Variants in C3orf20 observed in about 807,000 individuals in gnomAD.
The protein encoded by C3orf20 is uncharacterized protein C3orf20.
C3orf20 carries 76 observed loss-of-function variants against 88.3 expected under a neutral mutation model. The observed-to-expected ratio is 0.86, with a 90% CI of 0.72 to 1.04. The LOEUF (loss-of-function observed/expected upper bound fraction) is 1.04, where lower values mean the gene tolerates loss of function less well. C3orf20 is among the 50% of genes least tolerant of loss of function. C3orf20 has a pLI of 0.00. For missense variants in C3orf20, 1,056 were observed against 1,123.3 expected, an observed-to-expected ratio of 0.94 and a Z score of 0.86; for synonymous variants, 436 against 437.4, an observed-to-expected ratio of 1.00 and a Z score of 0.04.
chr3:14,706,394 A>C (rs1182473599), intron 7 of C3orf20, among the ~76,000 whole-genome samples: 1 of 151,796 alleles, frequency 6.6e-6, no homozygotes, highest in African/African-American at 2.4e-5. Flanking sequence ...GATCTCCCTG[A>C]GCTCCTCATG....
At chr3:14,708,064 C>T (rs113475397) in intron 7 of C3orf20, among the ~76,000 whole-genome samples, 47 of 152,092 alleles carry the variant, frequency 3.1e-4, no homozygotes, top group African/African-American at 9.9e-4. Context: ...TTAGGTGATC[C>T]GCCCACCTTG....
intron 12 of C3orf20, among the ~76,000 whole-genome samples, chr3:14,755,732 G>A (rs533063523): frequency 6.6e-6 from 1 of 152,254 alleles, no homozygotes; most frequent in Admixed American, 6.5e-5. Flanking sequence ...TCTGTAAATG[G>A]CAATAAGAGT....
At chr3:14,752,655 A>G (rs945801008) in intron 12 of C3orf20, among the ~76,000 whole-genome samples, 3 of 152,132 alleles carry the variant, frequency 2.0e-5, no homozygotes, top group African/African-American at 7.2e-5. Flanking sequence ...AAAACAAACA[A>G]CCCCATCAAA....
intron 10 of C3orf20, among the ~76,000 whole-genome samples, chr3:14,726,545 C>G (rs2034354538): frequency 6.6e-6 from 1 of 152,236 alleles, no homozygotes; most frequent in East Asian, 1.9e-4. Flanking sequence ...AAGACTCGGT[C>G]CCTTCCCTCC....
At chr3:14,679,444 A>T (rs1016520028) in intron 1 of C3orf20, among the ~76,000 whole-genome samples, 1 of 152,216 alleles carries the variant, frequency 6.6e-6, no homozygotes, top group African/African-American at 2.4e-5. Flanking sequence ...GTTCATTTGC[A>T]TGTGGAAAAA....
chr3:14,717,528 G>C lies in C3orf20; in HGVS notation c.1434+2119G>C, dbSNP rs557241876. On this transcript the variant is annotated intron_variant, in intron 9 of 16. Coordinates refer to ENST00000253697, the MANE Select transcript of C3orf20 (RefSeq NM_032137.5). ...GAGGTCACAAGTGCTTCTTGTAAAAGACAGGTGGAGCAAGAGGTATGTATG... is the reference window on the plus strand; with the variant it reads ...GAGGTCACAAGTGCTTCTTGTAAAACACAGGTGGAGCAAGAGGTATGTATG... Among the ~76,000 whole-genome samples, 3 of 152,304 alleles carry C rather than the reference G, an allele frequency of 2.0e-5. No individual in the cohort carries two copies. The South Asian group carries it at 6.2e-4, about 32-fold the overall frequency.
intron 15 of C3orf20, chr3:14,764,936 A>G (rs2035663171): frequency 6.6e-6 from 1 of 151,608 alleles, no homozygotes; most frequent in African/African-American, 2.4e-5. Context: ...AGAGTGTTGA[A>G]GAATTTGTGG....
At chr3:14,720,627 T>C (rs1192170585) in intron 9 of C3orf20, among the ~76,000 whole-genome samples, 2 of 152,094 alleles carry the variant, frequency 1.3e-5, no homozygotes, top group African/African-American at 4.8e-5. Context: ...GATAAGGGGA[T>C]ATTGTAGGTC....
rs760208319 is a variant in C3orf20 at position 14,715,331 on chromosome 3, C to A, written c.1356C>A (p.Thr452=). The A allele has an allele frequency of 1.2e-6, 2 of 1,612,514 alleles. No individual in the cohort carries two copies. The highest frequency in any genetic ancestry group is 3.3e-5 in the Admixed American group (2 of 60,004). ...VLILDEEGGT[T]NDQQGYVVHK... ...TCTTGGATGAGGAAGGTGGGACCAC[C>A]AATGACCAGCAGGGCTATGTAGTCC... Residue 452 remains threonine (T), a synonymous_variant, in exon 9 of 17, where the codon ACC becomes ACA. Coordinates refer to ENST00000253697, the MANE Select transcript of C3orf20 (RefSeq NM_032137.5).
rs967446952 is a variant in C3orf20 at position 14,742,940 on chromosome 3, C to T, written c.1940+14252C>T. ...CCTCCCCACTGGGTCCCTCCCACAA[C>T]ACGTGGGAATTCTGAGAGATAAAAT... On this transcript the variant is annotated intron_variant, in intron 12 of 16. Transcript: ENST00000253697. Among the ~76,000 whole-genome samples, 12 of 152,064 alleles carry T rather than the reference C, an allele frequency of 7.9e-5. 1 individual carries two copies. The highest frequency in any genetic ancestry group is 2.9e-4 in the African/African-American group (12 of 41,356).
intron 12 of C3orf20, among the ~76,000 whole-genome samples, chr3:14,749,610 G>A (rs1332640938): frequency 6.6e-6 from 1 of 152,076 alleles, no homozygotes; most frequent in African/African-American, 2.4e-5. Context: ...TACTGACTAG[G>A]AAGGACTTCT....
chr3:14,743,576 C>A (rs2034977507), intron 12 of C3orf20, among the ~76,000 whole-genome samples: 1 of 152,030 alleles, frequency 6.6e-6, no homozygotes, highest in Non-Finnish European at 1.5e-5. Context: ...AGGGACTTTG[C>A]ATGGGGGCTC....
At chr3:14,713,859 A>C in intron 7 of C3orf20, 148 bp from the exon 8 acceptor site, 2 of 781,698 alleles carry the variant, frequency 2.6e-6, no homozygotes, top group South Asian at 3.7e-5. Context: ...TATAATTGTT[A>C]CTTATGCAAA....
chr3:14,750,938 T>G (rs2035203048), intron 12 of C3orf20, among the ~76,000 whole-genome samples: 1 of 152,208 alleles, frequency 6.6e-6, no homozygotes. Flanking sequence ...GTGTCTTGAG[T>G]ATGTTTGATG....
Position 14,682,621 on chromosome 3 carries a change from C to T in C3orf20, c.-93C>T. 2 of 1,479,224 alleles carry T rather than the reference C, an allele frequency of 1.4e-6. No individual in the cohort carries two copies. Among genetic ancestry groups the T allele is most frequent in the Non-Finnish European group, 1.8e-6 (2 of 1,106,290 alleles). 91.6% of individuals were successfully genotyped at this position (1,479,224 alleles called of 1,614,324 possible). On this transcript the variant is annotated 5_prime_UTR_variant, in exon 3 of 17. Transcript: ENST00000253697. The stretch of plus-strand genomic sequence containing the variant: ...CCTGTAAGGGCCGTTTCAGCACATC[C>T]ATTCTGTCCATCTCCAAGCCTTCAC...
chr3:14,682,823 T>G lies in C3orf20; in HGVS notation c.110T>G (p.Ile37Ser). Reference sequence around the variant, plus strand: ...CTCATGATCTGCCAGAATGCAGGCATTTCTGTACCAAAAGGCATCAGAAAC... The same window carrying G: ...CTCATGATCTGCCAGAATGCAGGCAGTTCTGTACCAAAAGGCATCAGAAAC... ...KLLMICQNAG[I>S]SVPKGIRNIF... Residue 37 changes from isoleucine (I) to serine (S), a missense_variant, in exon 3 of 17, where the codon ATT becomes AGT. Ile to Ser is a moderately radical substitution (Grantham distance 142, BLOSUM62 -2). Coordinates refer to ENST00000253697, the MANE Select transcript of C3orf20 (RefSeq NM_032137.5). The G allele has an allele frequency of 1.9e-6, 3 of 1,614,208 alleles. No homozygotes were observed. The highest frequency in any genetic ancestry group is 2.5e-6 in the Non-Finnish European group (3 of 1,180,034).
At position 14,761,500 on chromosome 3, in the gene C3orf20, G is replaced by T; in HGVS notation, c.2380G>T (p.Gly794Trp). Residue 794 changes from glycine to tryptophan, a missense_variant, in exon 15 of 17, where the codon GGG becomes TGG. Coordinates refer to ENST00000253697, the MANE Select transcript of C3orf20 (RefSeq NM_032137.5). ...LMFAGGKLIF[G>W]GRVLNGYGLS... ...GTTTGCCGGGGGGAAGCTCATTTTT[G>T]GGGGCCGTGTTTTGAATGGATATGG... 1 of 1,613,982 alleles carries T rather than the reference G, an allele frequency of 6.2e-7. No homozygotes were observed.
At chr3:14,726,829 A>T (rs2034366208) in intron 10 of C3orf20, 72 bp from the exon 11 acceptor site, 2 of 1,602,142 alleles carry the variant, frequency 1.2e-6, no homozygotes, top group Non-Finnish European at 1.7e-6. Flanking sequence ...AGCAAGTCTT[A>T]GTTATCCTGG....
intron 4 of C3orf20, among the ~76,000 whole-genome samples, chr3:14,687,863 G>T (rs887316395): frequency 6.6e-6 from 1 of 152,124 alleles, no homozygotes; most frequent in Non-Finnish European, 1.5e-5. Flanking sequence ...GGGGCAGGGG[G>T]CCTTTTGGGT....
Sources: gnomAD v4.1 joint callset for allele counts (sites outside exome capture counted in the v4.1 genomes callset) on GRCh38, gnomAD v4.1.1 for gene constraint, MANE v1.5 for transcripts, NCBI Gene and HGNC (gene_info 2026-07-23, HGNC 2026-07-21) for gene names.